The following LRRIQ1 variants were observed in gnomAD, a reference collection of about 807,000 sequenced individuals.
LRRIQ1 encodes leucine rich repeats and IQ motif containing 1, also known as leucine-rich repeat- and IQ domain-containing protein 1.
LRRIQ1 carries 210 observed loss-of-function variants against 211.9 expected under a neutral mutation model. That is an observed-to-expected ratio of 0.99 (90% CI 0.89 to 1.11). LRRIQ1 has a LOEUF of 1.11. Among genes scored for constraint, LRRIQ1 ranks in the 50% most tolerant of loss-of-function variants. The pLI is 0.00. For missense variants in LRRIQ1, 2,136 were observed against 1,939.5 expected (o/e 1.10, Z -1.90); for synonymous variants, 699 against 650.1 (o/e 1.08, Z -1.14).
At chr12:85,039,187 TTTA>T (rs914989731) in intron 2 of LRRIQ1, among the ~76,000 whole-genome samples, 1 of 151,306 alleles carries the variant, frequency 6.6e-6, no homozygotes, top group Non-Finnish European at 1.5e-5. Context: ...AATGGATTGT[TTTA>T]TATTTTATTA....
downstream of LRRIQ1, among the ~76,000 whole-genome samples, chr12:85,248,597 C>T (rs977502003): frequency 7.3e-5 from 11 of 151,402 alleles, no homozygotes; most frequent in Admixed American, 7.3e-4. Context: ...GTAATCAGAC[C>T]CTCCTGAAGT....
At chr12:85,123,722 A>G (rs1243861646) in intron 16 of LRRIQ1, among the ~76,000 whole-genome samples, 1 of 152,158 alleles carries the variant, frequency 6.6e-6, no homozygotes, top group Non-Finnish European at 1.5e-5. Flanking sequence ...TTTATTTCAT[A>G]AATAACTTCT....
At chr12:85,137,274 T>C (rs765566683) in intron 18 of LRRIQ1, among the ~76,000 whole-genome samples, 5 of 151,458 alleles carry the variant, frequency 3.3e-5, no homozygotes, top group Non-Finnish European at 5.9e-5. Context: ...TATAAAGATA[T>C]CCATTTTTTA....
At chr12:85,149,296 C>T (rs1244626352) in intron 19 of LRRIQ1, among the ~76,000 whole-genome samples, 1 of 151,680 alleles carries the variant, frequency 6.6e-6, no homozygotes, top group African/African-American at 2.4e-5. Flanking sequence ...TTCACATTTA[C>T]GTCTTTAATC....
chr12:85,231,942 G>A (rs1216477093), intron 25 of LRRIQ1, among the ~76,000 whole-genome samples: 2 of 151,980 alleles, frequency 1.3e-5, no homozygotes, highest in Non-Finnish European at 2.9e-5. Context: ...ATAAACCAAC[G>A]TACAATGATA....
At chr12:85,223,402 G>A (rs543228487) in intron 24 of LRRIQ1, among the ~76,000 whole-genome samples, 3 of 152,272 alleles carry the variant, frequency 2.0e-5, no homozygotes, top group African/African-American at 7.2e-5. Context: ...GTAAGACAAA[G>A]GAAGTGGTCT....
At chr12:85,103,226 G>A (rs2136305001) in intron 13 of LRRIQ1, among the ~76,000 whole-genome samples, 1 of 150,540 alleles carries the variant, frequency 6.6e-6, no homozygotes, top group African/African-American at 2.4e-5. Flanking sequence ...TTATAACTTA[G>A]AAGACAATAA....
At chr12:85,193,965 A>G (rs1892742950) in intron 24 of LRRIQ1, among the ~76,000 whole-genome samples, 8 of 146,760 alleles carry the variant, frequency 5.5e-5, no homozygotes, top group East Asian at 2.0e-4. Flanking sequence ...TCAAAATAAA[A>G]GGATGGAGGA....
chr12:85,083,541 G>A (rs920564248), intron 11 of LRRIQ1, among the ~76,000 whole-genome samples: 2 of 151,672 alleles, frequency 1.3e-5, no homozygotes, highest in Non-Finnish European at 2.9e-5. Flanking sequence ...CCAGGTTCAA[G>A]TGATTCTCCT....
At chr12:85,165,537 ATC>A (rs1356093391) in intron 24 of LRRIQ1, among the ~76,000 whole-genome samples, 4 of 136,204 alleles carry the variant, frequency 2.9e-5, no homozygotes, top group African/African-American at 8.5e-5. Context: ...CAGTGACACT[ATC>A]TCTTCTCACT....
intron 15 of LRRIQ1, among the ~76,000 whole-genome samples, chr12:85,110,411 C>A (rs1887091441): frequency 6.6e-6 from 1 of 152,056 alleles, no homozygotes; most frequent in African/African-American, 2.4e-5. Flanking sequence ...GTATGTAACC[C>A]AGCCTCCCAT....
At chr12:85,242,763 T>C (rs1415573294) in intron 26 of LRRIQ1, among the ~76,000 whole-genome samples, 1 of 151,906 alleles carries the variant, frequency 6.6e-6, no homozygotes, top group African/African-American at 2.4e-5. Flanking sequence ...CTAGGTTTGC[T>C]TTTAAGCTGC....
intron 10 of LRRIQ1, 95 bp from the exon 11 acceptor site, chr12:85,072,812 C>T (rs1286224121): frequency 2.8e-6 from 2 of 712,612 alleles, no homozygotes; most frequent in South Asian, 3.0e-5. Context: ...TTATTTTTTG[C>T]TCCAGGTTTA....
intron 11 of LRRIQ1, among the ~76,000 whole-genome samples, chr12:85,096,117 A>T (rs561251094): frequency 6.6e-6 from 1 of 151,952 alleles, no homozygotes; most frequent in East Asian, 1.9e-4. Flanking sequence ...AAGAGCTTTC[A>T]ATTTTGTTTA....
At chr12:85,267,948 A>C (rs1347364675), downstream of LRRIQ1, among the ~76,000 whole-genome samples, 1 of 152,002 alleles carries the variant, frequency 6.6e-6, no homozygotes, top group East Asian at 1.9e-4. Flanking sequence ...AATAGCGTCA[A>C]GTGAGAAAGT....
In LRRIQ1 at chr12:85,163,388, G is replaced by A. The variant is rs190663569; in HGVS notation, c.4822+2674G>A. 2.6e-5 allele frequency among the ~76,000 whole-genome samples: 4 copies of A among 152,226 alleles called. No homozygotes were observed. The East Asian group carries it at 5.8e-4, about 22-fold the overall frequency. On this transcript the variant is annotated intron_variant, in intron 24 of 26. Coordinates refer to ENST00000393217, the MANE Select transcript of LRRIQ1 (RefSeq NM_001079910.2). ...AGGAAGATCAAAATTAAATTTTCCTGTAGGTTCATATTGAATAATTCCATG... is the reference window on the plus strand; with the variant it reads ...AGGAAGATCAAAATTAAATTTTCCTATAGGTTCATATTGAATAATTCCATG...
chr12:85,231,496 A>G (rs1894938487), intron 25 of LRRIQ1, among the ~76,000 whole-genome samples: 1 of 152,160 alleles, frequency 6.6e-6, no homozygotes, highest in African/African-American at 2.4e-5. Flanking sequence ...TTGTGTTGCT[A>G]TAACAGAATA....
In LRRIQ1 at chr12:85,055,991, T is replaced by C. The variant is rs1163557581; in HGVS notation, c.1198T>C (p.Leu400=). The change falls in exon 8 of 27, where the codon TTA becomes CTA. Residue 400 remains leucine (L), a synonymous_variant. Coordinates refer to ENST00000393217, the MANE Select transcript of LRRIQ1 (RefSeq NM_001079910.2). ...CCAACAGCTAATAATAAGTAGTGCA[T>C]TAAAGAAGAGCGGATATAATAACAA... ...ASQQLIISSA[L]KKSGYNNKHL... 1 of 1,609,414 alleles carries C rather than the reference T, an allele frequency of 6.2e-7. No individual in the cohort carries two copies. The highest frequency in any genetic ancestry group is 2.2e-5 in the East Asian group (1 of 44,656).
chr12:85,234,886 A>ACTGGACTCT (rs1295728824), intron 26 of LRRIQ1, among the ~76,000 whole-genome samples: 19 of 152,314 alleles, frequency 1.2e-4, no homozygotes, highest in South Asian at 6.2e-4. Context: ...TATACACTAG[A>ACTGGACTCT]CTGGACTCTA....
Sources: gnomAD v4.1 joint callset for allele counts (sites outside exome capture counted in the v4.1 genomes callset) on GRCh38, gnomAD v4.1.1 for gene constraint, MANE v1.5 for transcripts, NCBI Gene and HGNC (gene_info 2026-07-23, HGNC 2026-07-21) for gene names.